PPP1R12A: variants seen among roughly 807,000 people sequenced by gnomAD.
PPP1R12A encodes the protein protein phosphatase 1 regulatory subunit 12A.
PPP1R12A carries 19 observed loss-of-function variants against 139.6 expected under a neutral mutation model. That is an observed-to-expected ratio of 0.14 (90% CI 0.09 to 0.20). The LOEUF (loss-of-function observed/expected upper bound fraction) is 0.20. PPP1R12A is among the 10% of genes least tolerant of loss of function. The pLI, the probability that PPP1R12A is intolerant of heterozygous loss-of-function variation, is 1.00. For synonymous variants in PPP1R12A, 427 were observed against 420.6 expected (o/e 1.02, Z -0.19); for missense variants, 925 against 1,211.5 (o/e 0.76, Z 3.51).
chr12:79,932,439 A>G (rs1228271286), intron 1 of PPP1R12A, among the ~76,000 whole-genome samples: 1 of 152,226 alleles, frequency 6.6e-6, no homozygotes, highest in Non-Finnish European at 1.5e-5. Flanking sequence ...CAAATTTTTA[A>G]TGCTTGATAT....
rs1455528844 is a variant in PPP1R12A at position 79,808,532 on chromosome 12, T to C, written c.1501A>G (p.Ile501Val). The C allele has an allele frequency of 6.8e-6, 11 of 1,610,102 alleles. No homozygotes were observed. Among genetic ancestry groups the C allele is most frequent in the Non-Finnish European group, 9.3e-6 (11 of 1,177,256 alleles). ...GATGTACTGGCTAGTCGTCTTGGTATTGTAGGTGCAACATATGCAAGCCTA... is the reference window on the plus strand; with the variant it reads ...GATGTACTGGCTAGTCGTCTTGGTACTGTAGGTGCAACATATGCAAGCCTA... ...GTRLAYVAPT[I>V]PRRLASTSDI... Residue 501 changes from isoleucine to valine, a missense_variant, in exon 11 of 25, where the codon ATA (isoleucine) becomes GTA (valine). Physicochemically the swap from Ile to Val is conservative, Grantham distance 29. Around this residue, in one of 4 missense-constraint regions of PPP1R12A, gnomAD observed 403 missense variants for 463.7 expected, o/e 0.87. Transcript: ENST00000450142.
At chr12:79,885,195 G>C (rs1332586605) in intron 1 of PPP1R12A, among the ~76,000 whole-genome samples, 1 of 151,974 alleles carries the variant, frequency 6.6e-6, no homozygotes, top group Non-Finnish European at 1.5e-5. Flanking sequence ...GCCATTTACT[G>C]GTTGGGTGTT....
chr12:79,796,668 G>A (rs927358461), intron 17 of PPP1R12A, 114 bp downstream of exon 17: 14 of 817,768 alleles, frequency 1.7e-5, no homozygotes, highest in Admixed American at 3.3e-5. Flanking sequence ...GTTTAGGTTC[G>A]ATGAATCACA....
intron 1 of PPP1R12A, among the ~76,000 whole-genome samples, chr12:79,883,029 C>T (rs375856757): frequency 1.3e-5 from 2 of 151,942 alleles, no homozygotes; most frequent in South Asian, 2.1e-4. Flanking sequence ...CCCAGCTACT[C>T]GGGAGGTGGA....
chr12:79,794,077 A>G lies in PPP1R12A; in HGVS notation c.2584-149T>C, dbSNP rs952985549. ...ATGAGATGTCTAGGATTTTCTTCTA[A>G]ATAATATGGGAGTTGGGAGATGGAG... On this transcript the variant is annotated intron_variant, in intron 18 of 24. Coordinates refer to ENST00000450142, the MANE Select transcript of PPP1R12A (RefSeq NM_002480.3). 1.3e-5 allele frequency: 8 copies of G among 599,952 alleles called. No homozygotes were observed. The East Asian group carries it at 2.2e-4, about 17-fold the overall frequency. 37.2% of individuals were successfully genotyped at this position (599,952 alleles called of 1,614,324 possible). A position where few individuals can be genotyped will look rare whatever the true frequency, so the allele number is the denominator to read the frequency against.
intron 2 of PPP1R12A, among the ~76,000 whole-genome samples, chr12:79,860,042 A>T (rs1881144948): frequency 6.6e-6 from 1 of 152,254 alleles, no homozygotes; most frequent in Admixed American, 6.5e-5. Context: ...CTACTCCATG[A>T]ACTGTGAAGC....
chr12:79,793,777 G>T, intron 19 of PPP1R12A, 86 bp downstream of exon 19: 1 of 1,045,060 alleles, frequency 9.6e-7, no homozygotes, highest in Non-Finnish European at 1.4e-6. Context: ...TAACTGCTTT[G>T]CATGAATAAA....
chr12:79,842,780 TG>T (rs1451818889), intron 3 of PPP1R12A, among the ~76,000 whole-genome samples: 1 of 152,156 alleles, frequency 6.6e-6, no homozygotes, highest in African/African-American at 2.4e-5. Context: ...ATCAGATCAC[TG>T]CAGCCTGGAA....
intron 1 of PPP1R12A, among the ~76,000 whole-genome samples, chr12:79,892,034 T>C (rs1000414936): frequency 6.6e-6 from 1 of 152,204 alleles, no homozygotes; most frequent in Non-Finnish European, 1.5e-5. Flanking sequence ...TATTTTAAGT[T>C]TGGGGGTAAT....
At chr12:79,867,622 TTC>T in intron 2 of PPP1R12A, among the ~76,000 whole-genome samples, 1 of 152,290 alleles carries the variant, frequency 6.6e-6, no homozygotes, top group Non-Finnish European at 1.5e-5. Flanking sequence ...AAAGAATATA[TTC>T]TGTCTCCCCT....
At chr12:79,878,340 T>C (rs184806307) in intron 1 of PPP1R12A, 22 of 152,264 alleles carry the variant, frequency 1.4e-4, no homozygotes, top group African/African-American at 5.3e-4. Context: ...TAGTCTCCCA[T>C]TCAAGTACTA....
chr12:79,800,462 A>G (rs574383820), intron 14 of PPP1R12A, among the ~76,000 whole-genome samples: 6 of 152,304 alleles, frequency 3.9e-5, no homozygotes, highest in Admixed American at 3.3e-4. Context: ...TACATAATAT[A>G]TGTAACATAC....
chr12:79,820,028 C>T (rs1268490370), intron 8 of PPP1R12A, among the ~76,000 whole-genome samples: 1 of 148,840 alleles, frequency 6.7e-6, no homozygotes, highest in Non-Finnish European at 1.5e-5. Context: ...ACAATTCCTA[C>T]CATATGAAAA....
intron 1 of PPP1R12A, among the ~76,000 whole-genome samples, chr12:79,930,623 T>G (rs2136974864): frequency 6.6e-6 from 1 of 152,010 alleles, no homozygotes; most frequent in South Asian, 2.1e-4. Context: ...AAATACAAAA[T>G]TAGCTGGGCA....
At chr12:79,788,143 A>T (rs576804489) in intron 21 of PPP1R12A, 1 of 152,572 alleles carries the variant, frequency 6.6e-6, no homozygotes, top group African/African-American at 2.4e-5. Flanking sequence ...AACTGGGGAC[A>T]TGTACAAATG....
chr12:79,868,040 T>C (rs1882170897), intron 2 of PPP1R12A, among the ~76,000 whole-genome samples: 1 of 152,162 alleles, frequency 6.6e-6, no homozygotes, highest in African/African-American at 2.4e-5. Flanking sequence ...GGTAACCAAA[T>C]AGTAGAGATG....
At chr12:79,884,843 T>C (rs1883963491) in intron 1 of PPP1R12A, among the ~76,000 whole-genome samples, 1 of 152,170 alleles carries the variant, frequency 6.6e-6, no homozygotes. Context: ...CTGATTCAAG[T>C]ACATAAAACT....
chr12:79,933,436 T>G (rs534516953), intron 1 of PPP1R12A, among the ~76,000 whole-genome samples: 18 of 152,316 alleles, frequency 1.2e-4, no homozygotes, highest in African/African-American at 4.3e-4. Context: ...TATAAAGCCT[T>G]GAGTTTCAAC....
At position 79,934,767 on chromosome 12, in the gene PPP1R12A, C is replaced by T. The variant is rs376917306; in HGVS notation, c.165G>A (p.Glu55=). 4.9e-5 allele frequency: 76 copies of T among 1,552,712 alleles called. No homozygotes were observed. Among genetic ancestry groups the T allele is most frequent in the Non-Finnish European group, 6.2e-5 (71 of 1,147,714 alleles). ...LAACSSGDTD[E]VLKLLHRGAD... is the part of the protein sequence containing the mutation. ...CGCCGCGGTGCAGCAGCTTGAGGAC[C>T]TCGTCCGTGTCGCCGCTGGAGCAAG... The change falls in exon 1 of 25, where the codon GAG becomes GAA. Residue 55 remains glutamate (E), a synonymous_variant. Coordinates refer to ENST00000450142, the MANE Select transcript of PPP1R12A (RefSeq NM_002480.3).
Sources: allele counts gnomAD v4.1 joint callset (sites outside exome capture counted in the v4.1 genomes callset), GRCh38; gene constraint gnomAD v4.1.1; regional missense constraint gnomAD v4.1.1; transcripts MANE v1.5; gene names NCBI Gene and HGNC (gene_info 2026-07-23, HGNC 2026-07-21).